The following TUB variants were observed in gnomAD, a reference collection of about 807,000 sequenced individuals.
The protein encoded by TUB is tubby protein homolog.
A neutral mutation model predicts 59.7 loss-of-function variants in TUB; 33 were observed. The observed-to-expected ratio is 0.55, with a 90% CI of 0.42 to 0.74. The LOEUF (loss-of-function observed/expected upper bound fraction) is 0.74. Ranked by LOEUF, TUB falls within the 30% of genes least tolerant of loss-of-function variation. The pLI, the probability that TUB is intolerant of heterozygous loss-of-function variation, is 0.00. For synonymous variants in TUB, 293 were observed against 256.4 expected (o/e 1.14, Z -1.36); for missense variants, 659 against 672.0 (o/e 0.98, Z 0.21).
At chr11:8,019,416 G>A (rs1473100383) in intron 1 of TUB, 17 of 1,227,082 alleles carry the variant, frequency 1.4e-5, no homozygotes, top group Non-Finnish European at 1.6e-5. Flanking sequence ...ATCTCCTGCG[G>A]GAGAAGCGGG....
Position 8,101,524 on chromosome 11 carries a change from G to A in TUB, c.1426G>A (p.Asp476Asn), listed in dbSNP as rs1161666867. Reference protein sequence around the residue: ...IVMQFGRVAEDVFTMDYNYPL... With the variant: ...IVMQFGRVAENVFTMDYNYPL... ...GATGCAGTTTGGCCGGGTAGCAGAG[G>A]ATGTGTTCACCATGGATTACAACTA... The change falls in exon 12 of 12, where the codon GAT becomes AAT. Residue 476 changes from aspartate (D) to asparagine (N), a missense_variant. Asp to Asn is a conservative substitution (Grantham distance 23). Transcript: ENST00000299506. 1.9e-6 allele frequency: 3 copies of A among 1,614,092 alleles called. No individual in the cohort carries two copies. Among genetic ancestry groups the A allele is most frequent in the Non-Finnish European group, 2.5e-6 (3 of 1,180,056 alleles).
At chr11:8,019,258 GCGC>G in exon 1 of TUB, 7 of 1,243,650 alleles carry the variant, frequency 5.6e-6, no homozygotes, top group South Asian at 3.7e-5. Flanking sequence ...CCCAAGCCCA[GCGC>G]CGCCGCCGCC....
At chr11:8,044,924 G>A (rs1328729943) in intron 2 of TUB, among the ~76,000 whole-genome samples, 3 of 152,204 alleles carry the variant, frequency 2.0e-5, no homozygotes, top group Non-Finnish European at 4.4e-5. Context: ...ATGGCGTGGA[G>A]CTTCCATGAC....
At chr11:8,081,581 T>C in intron 1 of TUB, 33 bp downstream of exon 1, 2 of 1,501,424 alleles carry the variant, frequency 1.3e-6, no homozygotes, top group Non-Finnish European at 1.8e-6. Context: ...CGCCCACCAC[T>C]CCCGACTCGG....
In TUB at chr11:8,101,856, G is replaced by GACACGGCGT; in HGVS notation, c.*237_*238insACACGGCGT. ...AAGGGATGAGAATAATTCTTTCCAT[G>GACACGGCGT]CCACGAGATCAACACACACTCCCAC... On this transcript the variant is annotated 3_prime_UTR_variant, in exon 12 of 12. Coordinates refer to ENST00000299506, the MANE Select transcript of TUB (RefSeq NM_177972.3). The GACACGGCGT allele has an allele frequency of 4.1e-6, 2 of 482,858 alleles. No individual in the cohort carries two copies. Among genetic ancestry groups the GACACGGCGT allele is most frequent in the South Asian group, 3.7e-5 (1 of 26,830 alleles). The allele number at this position is 482,858 out of a possible 1,614,324, so 29.9% of individuals were successfully genotyped here.
At chr11:8,021,848 G>A (rs1942433049) in intron 1 of TUB, among the ~76,000 whole-genome samples, 1 of 151,492 alleles carries the variant, frequency 6.6e-6, no homozygotes, top group Non-Finnish European at 1.5e-5. Context: ...CCCGGCAGGT[G>A]GAGCTTGCAG....
intron 3 of TUB, among the ~76,000 whole-genome samples, chr11:8,090,852 T>A (rs558216493): frequency 6.6e-6 from 1 of 151,534 alleles, no homozygotes; most frequent in Admixed American, 6.6e-5. Flanking sequence ...CACATCTCTG[T>A]TCTCAGGACC....
chr11:8,067,182 C>T (rs1943260544), intron 2 of TUB, among the ~76,000 whole-genome samples: 1 of 152,204 alleles, frequency 6.6e-6, no homozygotes, highest in South Asian at 2.1e-4. Flanking sequence ...TGGCTCCCCA[C>T]CTCCTCCAGC....
chr11:8,040,561 A>G (rs1380179269), intron 2 of TUB, among the ~76,000 whole-genome samples: 1 of 152,202 alleles, frequency 6.6e-6, no homozygotes, highest in East Asian at 1.9e-4. Context: ...TATGGCCTTC[A>G]TGGCAGGGAC....
intron 2 of TUB, among the ~76,000 whole-genome samples, chr11:8,064,985 T>A (rs1442962040): frequency 6.6e-6 from 1 of 152,158 alleles, no homozygotes; most frequent in Non-Finnish European, 1.5e-5. Flanking sequence ...GGTCTTGGAG[T>A]CCCAGGGGCC....
chr11:8,025,320 A>G (rs1198581826), intron 1 of TUB, among the ~76,000 whole-genome samples: 1 of 152,172 alleles, frequency 6.6e-6, no homozygotes, highest in Non-Finnish European at 1.5e-5. Flanking sequence ...ATTTCATCCA[A>G]GAGCTGAAAG....
intron 2 of TUB, among the ~76,000 whole-genome samples, chr11:8,049,580 TAGA>T (rs1942897909): frequency 1.4e-5 from 1 of 69,204 alleles, no homozygotes; most frequent in Non-Finnish European, 3.5e-5. Context: ...TATATATATA[TAGA>T]TAGATAGATA....
chr11:8,050,938 AC>A (rs1942925689), intron 2 of TUB, among the ~76,000 whole-genome samples: 1 of 152,236 alleles, frequency 6.6e-6, no homozygotes, highest in South Asian at 2.1e-4. Context: ...GACTAGTAGG[AC>A]CATTAAAACA....
chr11:8,104,715 T>C lies in TUB; in HGVS notation c.*3096T>C, dbSNP rs147917470. 3 of 152,288 alleles carry C rather than the reference T, an allele frequency of 2.0e-5. No individual in the cohort carries two copies. The highest frequency in any genetic ancestry group is 7.2e-5 in the African/African-American group (3 of 41,538). 9.4% of individuals were successfully genotyped at this position (152,288 alleles called of 1,614,324 possible). A position where few individuals can be genotyped will look rare whatever the true frequency, so the allele number is the denominator to read the frequency against. The stretch of plus-strand genomic sequence containing the variant: ...TCTGCATTGCCTGAAAAAACTGGTA[T>C]GTTGCACGTATGCTTTTGGTTGAAA... On this transcript the variant is annotated 3_prime_UTR_variant, in exon 12 of 12. Transcript: ENST00000299506.
At chr11:8,062,075 T>C (rs892480012) in intron 2 of TUB, 2 of 152,612 alleles carry the variant, frequency 1.3e-5, no homozygotes, top group Non-Finnish European at 2.9e-5. Context: ...GACAACAGGC[T>C]GGGGGACTCA....
intron 2 of TUB, chr11:8,068,977 G>A (rs151271918): frequency 8.5e-5 from 13 of 152,172 alleles, no homozygotes; most frequent in Admixed American, 6.5e-4. Flanking sequence ...CACTCCCGTC[G>A]AGTCCTGCTG....
chr11:8,032,187 G>A (rs1942583981), intron 1 of TUB, among the ~76,000 whole-genome samples: 1 of 152,154 alleles, frequency 6.6e-6, no homozygotes, highest in Non-Finnish European at 1.5e-5. Flanking sequence ...GTCCACAGTG[G>A]CCAAGCTTCT....
intron 3 of TUB, 143 bp from the exon 4 acceptor site, chr11:8,093,903 T>G (rs1301621427): frequency 1.1e-6 from 1 of 916,870 alleles, no homozygotes; most frequent in Non-Finnish European, 1.7e-6. Context: ...CCTGATCCTG[T>G]GGGCTGTAGA....
rs140758030 is a variant in TUB, at chr11:8,093,810, T to C, written c.254-236T>C. Among the ~76,000 whole-genome samples, 345 of 152,338 alleles carry C rather than the reference T, an allele frequency of 2.3e-3. 2 individuals carry two copies. Among genetic ancestry groups the C allele is most frequent in the African/African-American group, 8.0e-3 (331 of 41,576 alleles). ...TGATCACAGGTTTTGGTCTGGCTGT[T>C]GACTTGATTACACTGGGCTGGGGGT... On this transcript the variant is annotated intron_variant, in intron 3 of 11. Transcript: ENST00000299506.
Sources: gnomAD v4.1 joint callset for allele counts (sites outside exome capture counted in the v4.1 genomes callset) on GRCh38, gnomAD v4.1.1 for gene constraint, MANE v1.5 for transcripts, NCBI Gene and HGNC (gene_info 2026-07-23, HGNC 2026-07-21) for gene names.